Variants in FARP1 observed in about 807,000 individuals in gnomAD.
The protein encoded by FARP1 is FERM, ARHGEF and pleckstrin domain-containing protein 1.
A neutral mutation model predicts 128.8 loss-of-function variants in FARP1; 52 were observed. That is an observed-to-expected ratio of 0.40 (90% CI 0.32 to 0.51). FARP1 has a LOEUF of 0.51. Ranked by LOEUF, FARP1 falls within the 20% of genes least tolerant of loss-of-function variation. FARP1 has a pLI of 0.45. For synonymous variants in FARP1, 580 were observed against 551.8 expected (o/e 1.05, Z -0.72); for missense variants, 1,333 against 1,367.9 (o/e 0.97, Z 0.40).
At position 98,451,303 on chromosome 13, in the gene FARP1, AG is replaced by A. The variant is rs1893182258; in HGVS notation, c.*2988del. 1 of 152,210 alleles carries A rather than the reference AG, an allele frequency of 6.6e-6. No homozygotes were observed. The highest frequency in any genetic ancestry group is 2.1e-4 in the South Asian group (1 of 4,832). The allele number at this position is 152,210 out of a possible 1,614,324, so 9.4% of individuals were successfully genotyped here. A position where few individuals can be genotyped will look rare whatever the true frequency, so the allele number is the denominator to read the frequency against. The stretch of plus-strand genomic sequence containing the variant: ...TGACTTATGCCGCCGGCCTCACGTA[AG>A]GAAACAGTTCCCCACACAGAATACT... On this transcript the variant is annotated 3_prime_UTR_variant, in exon 27 of 27. Transcript: ENST00000319562.
At chr13:98,222,109 T>G (rs1440860037) in intron 2 of FARP1, among the ~76,000 whole-genome samples, 1 of 152,186 alleles carries the variant, frequency 6.6e-6, no homozygotes, top group Non-Finnish European at 1.5e-5. Context: ...CTGTTAGCAC[T>G]TTGTAACTTT....
At chr13:98,307,770 G>A (rs746103745) in intron 2 of FARP1, among the ~76,000 whole-genome samples, 63 of 152,070 alleles carry the variant, frequency 4.1e-4, no homozygotes, top group Admixed American at 7.9e-4. Context: ...GGTCCCTTAC[G>A]TTTCTGTCTT....
chr13:98,349,961 C>T (rs765116779), intron 3 of FARP1, among the ~76,000 whole-genome samples: 20 of 152,266 alleles, frequency 1.3e-4, no homozygotes, highest in Admixed American at 1.0e-3. Flanking sequence ...TGCTTAGCCG[C>T]AGCGTCTGCC....
At chr13:98,392,323 C>CCAAAAAAAAA (rs551215820) in intron 11 of FARP1, among the ~76,000 whole-genome samples, 9 of 60,424 alleles carry the variant, frequency 1.5e-4, no homozygotes, top group African/African-American at 5.9e-4. Context: ...CATCTCTACC[C>CCAAAAAAAAA]AAAAAAAAAA....
chr13:98,430,602 G>A (rs1316899556), intron 17 of FARP1, among the ~76,000 whole-genome samples: 2 of 152,176 alleles, frequency 1.3e-5, no homozygotes, highest in South Asian at 2.1e-4. Flanking sequence ...CTGAGCAGAC[G>A]GGGCGAGGGA....
chr13:98,410,267 C>T (rs927868713), intron 14 of FARP1, among the ~76,000 whole-genome samples: 48 of 152,198 alleles, frequency 3.2e-4, no homozygotes, highest in Admixed American at 8.5e-4. Context: ...GAGTTCAGGC[C>T]GATGATGCCA....
chr13:98,168,708 T>C (rs377492314), intron 1 of FARP1, among the ~76,000 whole-genome samples: 157 of 152,320 alleles, frequency 1.0e-3, no homozygotes, highest in African/African-American at 3.5e-3. Flanking sequence ...GTGTTTTTTT[T>C]CCCCCTTCAT....
intron 2 of FARP1, among the ~76,000 whole-genome samples, chr13:98,322,484 G>T (rs899716622): frequency 6.6e-6 from 1 of 152,180 alleles, no homozygotes; most frequent in Non-Finnish European, 1.5e-5. Context: ...CTGGGATTTG[G>T]ACTGCAGTTC....
At chr13:98,188,371 G>T (rs1278911464) in intron 1 of FARP1, among the ~76,000 whole-genome samples, 3 of 152,036 alleles carry the variant, frequency 2.0e-5, no homozygotes, top group African/African-American at 7.2e-5. Context: ...GACCAACACT[G>T]GTGAAACCCC....
At chr13:98,154,549 C>G (rs9582196) in intron 1 of FARP1, among the ~76,000 whole-genome samples, 12 of 152,052 alleles carry the variant, frequency 7.9e-5, no homozygotes, top group Non-Finnish European at 1.5e-4. Flanking sequence ...TGTAAAATCT[C>G]GAGGCCCAGA....
intron 1 of FARP1, among the ~76,000 whole-genome samples, chr13:98,170,728 G>A (rs1400872153): frequency 1.3e-5 from 2 of 152,110 alleles, no homozygotes; most frequent in Non-Finnish European, 2.9e-5. Context: ...CTGATCTCAA[G>A]TGATCTGCCC....
At chr13:98,239,089 G>A (rs1594308721) in intron 2 of FARP1, among the ~76,000 whole-genome samples, 1 of 152,194 alleles carries the variant, frequency 6.6e-6, no homozygotes, top group African/African-American at 2.4e-5. Context: ...ATGGGTTAAT[G>A]TATCTACAGA....
intron 2 of FARP1, among the ~76,000 whole-genome samples, chr13:98,308,031 CTCTT>C (rs1886258302): frequency 9.5e-5 from 1 of 10,522 alleles, no homozygotes; most frequent in African/African-American, 1.4e-4. Context: ...CCCACTCTCT[CTCTT>C]TTTTTTTTTT....
intron 13 of FARP1, among the ~76,000 whole-genome samples, chr13:98,408,897 G>T (rs1237711008): frequency 6.6e-6 from 1 of 152,182 alleles, no homozygotes. Flanking sequence ...CATTGTTACG[G>T]GACGTAGTGT....
chr13:98,288,277 G>A (rs1320443125), intron 2 of FARP1, among the ~76,000 whole-genome samples: 1 of 152,160 alleles, frequency 6.6e-6, no homozygotes, highest in Non-Finnish European at 1.5e-5. Context: ...TTATTCTTCA[G>A]TGGTTTTCCT....
chr13:98,147,848 TAGAG>T (rs1352615552), intron 1 of FARP1, among the ~76,000 whole-genome samples: 6 of 151,866 alleles, frequency 4.0e-5, no homozygotes, highest in East Asian at 3.9e-4. Context: ...AAATTTTTCT[TAGAG>T]AGTCTCACCG....
chr13:98,366,718 C>G (rs118082327), intron 4 of FARP1, among the ~76,000 whole-genome samples: 1,939 of 152,314 alleles, frequency 0.013, 21 homozygotes, highest in Middle Eastern at 0.021. Flanking sequence ...AGTAGCCGCT[C>G]AGTGAAAATC....
chr13:98,308,029 C>A (rs1886252975), intron 2 of FARP1, among the ~76,000 whole-genome samples: 1 of 114,930 alleles, frequency 8.7e-6, no homozygotes. Flanking sequence ...CCCCCACTCT[C>A]TCTCTTTTTT....
At chr13:98,424,738 T>C in intron 17 of FARP1, 88 bp downstream of exon 17, 1 of 858,284 alleles carries the variant, frequency 1.2e-6, no homozygotes, top group Non-Finnish European at 2.0e-6. Flanking sequence ...GCCATTTCCA[T>C]CAGCATGCAT....
Sources: gnomAD v4.1 joint callset for allele counts (sites outside exome capture counted in the v4.1 genomes callset) on GRCh38, gnomAD v4.1.1 for gene constraint, MANE v1.5 for transcripts, NCBI Gene and HGNC (gene_info 2026-07-23, HGNC 2026-07-21) for gene names.